Variants in MAP3K8 observed in about 807,000 individuals in gnomAD.
MAP3K8 encodes mitogen-activated protein kinase kinase kinase 8, also known as Ewing sarcoma transformant.
In MAP3K8, 22 loss-of-function variants were observed where a neutral mutation model predicts 45.8. The observed-to-expected ratio is 0.48, with a 90% CI of 0.34 to 0.69. The LOEUF (loss-of-function observed/expected upper bound fraction) is 0.69, where lower values mean the gene tolerates loss of function less well. Among genes scored for constraint, MAP3K8 ranks in the 30% least tolerant of loss-of-function variants. MAP3K8 has a pLI of 0.01. For synonymous variants in MAP3K8, 223 were observed against 214.3 expected, an observed-to-expected ratio of 1.04 and a Z score of -0.36; for missense variants, 419 against 585.0, an observed-to-expected ratio of 0.72 and a Z score of 2.93.
At chr10:30,450,084 G>T (rs962954637) in intron 4 of MAP3K8, among the ~76,000 whole-genome samples, 174 bp from the exon 5 acceptor site, 9 of 152,184 alleles carry the variant, frequency 5.9e-5, no homozygotes, top group Non-Finnish European at 1.2e-4. Flanking sequence ...GACTAACATA[G>T]TTAAAGGCAG....
intron 3 of MAP3K8, among the ~76,000 whole-genome samples, chr10:30,439,803 T>C (rs1376069587): frequency 6.6e-6 from 1 of 152,242 alleles, no homozygotes; most frequent in Non-Finnish European, 1.5e-5. Flanking sequence ...AGTGAGACTC[T>C]GTCTCAACAA....
At position 30,455,268 on chromosome 10, in the gene MAP3K8, C is replaced by A. The variant is rs910693581; in HGVS notation, c.874-2816C>A. ...CAAAGTTGTGAAGTGACCAGTGAAA[C>A]CTTTCAACAAGCTTGCTTTTACCCT... On this transcript the variant is annotated intron_variant, in intron 6 of 8. Transcript: ENST00000263056. 2.6e-5 allele frequency among the ~76,000 whole-genome samples: 4 copies of A among 152,180 alleles called. No homozygotes were observed. The East Asian group carries it at 5.8e-4, about 22-fold the overall frequency.
At position 30,437,273 on chromosome 10, in the gene MAP3K8, G is replaced by C. The variant is rs936063276; in HGVS notation, c.-157G>C. ...TAACGCAGTATCTGCAAAGCCAGGA[G>C]TCTGACTCAGTACTTTTCTCACTCA... On this transcript the variant is annotated 5_prime_UTR_variant, in exon 2 of 9. Coordinates refer to ENST00000263056, the MANE Select transcript of MAP3K8 (RefSeq NM_005204.4). 2.0e-6 allele frequency: 2 copies of C among 985,236 alleles called. No homozygotes were observed. The highest frequency in any genetic ancestry group is 3.5e-5 in the African/African-American group (2 of 57,188). 61.0% of individuals were successfully genotyped at this position (985,236 alleles called of 1,614,324 possible). A position where few individuals can be genotyped will look rare whatever the true frequency, so the allele number is the denominator to read the frequency against.
At chr10:30,454,579 A>C (rs927366407) in intron 6 of MAP3K8, among the ~76,000 whole-genome samples, 26 of 142,976 alleles carry the variant, frequency 1.8e-4, no homozygotes, top group African/African-American at 5.7e-4. Flanking sequence ...AAAAAAAAAA[A>C]CGCCAAGATT....
intron 4 of MAP3K8, among the ~76,000 whole-genome samples, chr10:30,449,317 T>C (rs928217639): frequency 1.3e-5 from 2 of 152,142 alleles, no homozygotes; most frequent in South Asian, 4.1e-4. Flanking sequence ...CAATCTTGGC[T>C]CACCTCAACC....
At chr10:30,436,373 T>C (rs759893157) in intron 1 of MAP3K8, among the ~76,000 whole-genome samples, 1 of 152,142 alleles carries the variant, frequency 6.6e-6, no homozygotes, top group Non-Finnish European at 1.5e-5. Context: ...GAACGTAGAT[T>C]TGCGTGACAG....
At chr10:30,435,470 T>C (rs1210836991) in intron 1 of MAP3K8, among the ~76,000 whole-genome samples, 1 of 152,184 alleles carries the variant, frequency 6.6e-6, no homozygotes, top group African/African-American at 2.4e-5. Flanking sequence ...ATCCGGGGCT[T>C]TTTGAGAGCA....
rs530346284 is a variant in MAP3K8, at chr10:30,460,756, C to T, written c.1324C>T (p.Arg442Cys). Residue 442 changes from arginine (R) to cysteine (C), a missense_variant, in exon 9 of 9, where the codon CGC becomes TGC. Arg to Cys is a radical substitution (Grantham distance 180). Around this residue, in one of 3 missense-constraint regions of MAP3K8, gnomAD observed 108 missense variants for 124.2 expected, o/e 0.87. Transcript: ENST00000263056. Reference sequence around the variant, plus strand: ...GGAATCTGAGATGCTCAAGAGGCAACGCTCTCTCTACATCGACCTCGGCGC... The same window carrying T: ...GGAATCTGAGATGCTCAAGAGGCAATGCTCTCTCTACATCGACCTCGGCGC... ...TEESEMLKRQ[R>C]SLYIDLGALA... 30 of 1,613,744 alleles carry T rather than the reference C, an allele frequency of 1.9e-5. No individual in the cohort carries two copies. The highest frequency in any genetic ancestry group is 2.5e-5 in the Non-Finnish European group (29 of 1,179,844).
intron 6 of MAP3K8, among the ~76,000 whole-genome samples, chr10:30,455,478 A>G (rs1257698257): frequency 1.3e-5 from 2 of 152,244 alleles, no homozygotes; most frequent in African/African-American, 2.4e-5. Context: ...AGAGCATTCT[A>G]TTGTAACCAT....
At position 30,459,421 on chromosome 10, in the gene MAP3K8, G is replaced by C. The variant is rs773263158; in HGVS notation, c.1193G>C (p.Cys398Ser). ...LNPPREDQPR[C>S]QSLDSALLER... ...CCGCCCAGAGAGGATCAGCCACGCT[G>C]TCAGAGTCTGGACTCTGCCCTCTTG... The change falls in exon 8 of 9, where the codon TGT becomes TCT. Residue 398 changes from cysteine (C) to serine (S), a missense_variant. This residue lies in a region of MAP3K8 where 108 missense variants were observed against 124.2 expected (regional missense o/e 0.87). Transcript: ENST00000263056. 1 of 1,614,164 alleles carries C rather than the reference G, an allele frequency of 6.2e-7. No individual in the cohort carries two copies. Among genetic ancestry groups the C allele is most frequent in the Non-Finnish European group, 8.5e-7 (1 of 1,180,028 alleles).
chr10:30,445,619 A>G (rs527651083), intron 3 of MAP3K8, among the ~76,000 whole-genome samples: 3 of 152,204 alleles, frequency 2.0e-5, no homozygotes, highest in Admixed American at 2.0e-4. Flanking sequence ...GTGAAAAGGG[A>G]CTAAATCTAT....
intron 4 of MAP3K8, among the ~76,000 whole-genome samples, chr10:30,449,120 C>A (rs532134564): frequency 2.0e-4 from 30 of 152,240 alleles, no homozygotes; most frequent in Admixed American, 1.8e-3. Flanking sequence ...TATAAAGGAC[C>A]AAAACAGGCA....
At chr10:30,438,518 C>G (rs1326591248) in intron 2 of MAP3K8, among the ~76,000 whole-genome samples, 1 of 152,190 alleles carries the variant, frequency 6.6e-6, no homozygotes, top group Non-Finnish European at 1.5e-5. Flanking sequence ...AGGGAGGGTG[C>G]CACTTCGGGG....
chr10:30,439,000 T>A lies in MAP3K8; in HGVS notation c.62T>A (p.Leu21Ter). The A allele has an allele frequency of 6.2e-7, 1 of 1,612,696 alleles. No homozygotes were observed. The highest frequency in any genetic ancestry group is 8.5e-7 in the Non-Finnish European group (1 of 1,178,676). The change falls in exon 3 of 9, where the codon TTA (leucine) becomes TAA (stop). Residue 21 changes from leucine to a stop codon, truncating the protein, a stop_gained. Coordinates refer to ENST00000263056, the MANE Select transcript of MAP3K8 (RefSeq NM_005204.4). LOFTEE classifies it high-confidence loss of function. ...GAGATTGATTTATTAATTAAACATT[T>A]AAATGTGTCTGATGTAATAGACATT... is the stretch of plus-strand genomic sequence containing the variant. ...KEEIDLLIKHLNVSDVIDIME... is the reference protein window; with the variant it reads ...KEEIDLLIKH
intron 3 of MAP3K8, among the ~76,000 whole-genome samples, chr10:30,439,818 A>C (rs1402122987): frequency 2.0e-5 from 3 of 152,250 alleles, no homozygotes; most frequent in African/African-American, 7.2e-5. Context: ...CAACAACAAC[A>C]AAGAAGAATG....
intron 1 of MAP3K8, among the ~76,000 whole-genome samples, chr10:30,435,993 T>C (rs1835898582): frequency 2.0e-5 from 3 of 152,272 alleles, no homozygotes; most frequent in Admixed American, 2.0e-4. Context: ...AAGAGTATTA[T>C]GTTAATGTTT....
chr10:30,448,816 CT>C (rs1283485351), intron 4 of MAP3K8, among the ~76,000 whole-genome samples: 1 of 152,136 alleles, frequency 6.6e-6, no homozygotes, highest in Non-Finnish European at 1.5e-5. Context: ...TTCACACCCC[CT>C]ATGACTCAAC....
rs1487856112 is a variant in MAP3K8 at position 30,460,752 on chromosome 10, G to A, written c.1320G>A (p.Arg440=). Residue 440 remains arginine, a synonymous_variant, in exon 9 of 9, where the codon AGG becomes AGA. Transcript: ENST00000263056. ...CCGAGGAATCTGAGATGCTCAAGAGGCAACGCTCTCTCTACATCGACCTCG... is the reference window on the plus strand; with the variant it reads ...CCGAGGAATCTGAGATGCTCAAGAGACAACGCTCTCTCTACATCGACCTCG... ...GSTEESEMLK[R]QRSLYIDLGA... is the part of the protein sequence containing the mutation. The A allele has an allele frequency of 3.1e-6, 5 of 1,613,672 alleles. No homozygotes were observed. Among genetic ancestry groups the A allele is most frequent in the Non-Finnish European group, 4.2e-6 (5 of 1,179,832 alleles).
At chr10:30,456,727 TG>T (rs1448570034) in intron 6 of MAP3K8, among the ~76,000 whole-genome samples, 1 of 152,192 alleles carries the variant, frequency 6.6e-6, no homozygotes, top group Non-Finnish European at 1.5e-5. Context: ...TTTGTAAAGA[TG>T]GGGGGTCTCC....
Sources: gnomAD v4.1 joint callset for allele counts (sites outside exome capture counted in the v4.1 genomes callset) on GRCh38, gnomAD v4.1.1 for gene constraint, gnomAD v4.1.1 regional missense constraint, MANE v1.5 for transcripts, NCBI Gene and HGNC (gene_info 2026-07-23, HGNC 2026-07-21) for gene names.